Variants in DCDC2C observed in about 807,000 individuals in gnomAD.
DCDC2C encodes doublecortin domain-containing protein 2C.
A neutral mutation model predicts 45.0 loss-of-function variants in DCDC2C; 44 were observed. That is an observed-to-expected ratio of 0.98 (90% CI 0.77 to 1.26). The LOEUF (loss-of-function observed/expected upper bound fraction) is 1.26. DCDC2C is among the 50% of genes most tolerant of loss of function. The pLI is 0.00. For missense variants in DCDC2C, 447 were observed against 468.9 expected (o/e 0.95, Z 0.43); for synonymous variants, 187 against 178.8 (o/e 1.05, Z -0.37).
At chr2:3,724,178 C>G (rs112939941) in intron 2 of DCDC2C, among the ~76,000 whole-genome samples, 144 of 152,286 alleles carry the variant, frequency 9.5e-4, no homozygotes, top group African/African-American at 3.3e-3. Context: ...GCTGCTTCTC[C>G]AGACCACATG....
intron 2 of DCDC2C, among the ~76,000 whole-genome samples, chr2:3,724,199 C>G (rs183459353): frequency 2.0e-5 from 3 of 152,150 alleles, no homozygotes; most frequent in Admixed American, 1.3e-4. Flanking sequence ...GACGGTAAGA[C>G]GTAGAGCTGG....
chr2:3,761,604 C>T lies in DCDC2C; in HGVS notation c.727-6150C>T, dbSNP rs554099367. ...AGCCTGAGGATGCAACAGCCAGGTTCAATGTTAGCAAATCTTCCACTTTAA... is the reference window on the plus strand; with the variant it reads ...AGCCTGAGGATGCAACAGCCAGGTTTAATGTTAGCAAATCTTCCACTTTAA... On this transcript the variant is annotated intron_variant, in intron 6 of 10. Coordinates refer to ENST00000399143, the MANE Select transcript of DCDC2C (RefSeq NM_001287444.2). The surrounding 1 kb of genome is among the most constrained non-coding windows in gnomAD (Gnocchi z 4.3). Among the ~76,000 whole-genome samples the T allele has an allele frequency of 1.3e-3, 195 of 152,348 alleles. No individual in the cohort carries two copies. Among genetic ancestry groups the T allele is most frequent in the African/African-American group, 4.5e-3 (189 of 41,580 alleles).
chr2:3,796,780 A>G (rs1191916033), intron 10 of DCDC2C, among the ~76,000 whole-genome samples: 59 of 147,438 alleles, frequency 4.0e-4, no homozygotes, highest in African/African-American at 1.1e-3. Context: ...CCAGTATTTT[A>G]TTGAGGATTT....
intron 2 of DCDC2C, among the ~76,000 whole-genome samples, chr2:3,725,116 A>C (rs1668604365): frequency 1.3e-5 from 2 of 152,112 alleles, no homozygotes; most frequent in South Asian, 4.1e-4. Context: ...GGCCCGCACC[A>C]TGGTGTCTAT....
At chr2:3,810,150 A>G (rs868020172) in intron 10 of DCDC2C, among the ~76,000 whole-genome samples, 4 of 152,182 alleles carry the variant, frequency 2.6e-5, no homozygotes, top group Non-Finnish European at 2.9e-5. Flanking sequence ...CTGGTTCTAG[A>G]TCCTTGAGGA....
At chr2:3,820,052 G>C (rs527287227) in intron 10 of DCDC2C, among the ~76,000 whole-genome samples, 2 of 152,310 alleles carry the variant, frequency 1.3e-5, no homozygotes, top group South Asian at 4.1e-4. Context: ...CGAAGGAACA[G>C]ACAGGAGAGA....
intron 6 of DCDC2C, among the ~76,000 whole-genome samples, chr2:3,757,808 C>T (rs1245580903): frequency 6.6e-6 from 1 of 152,170 alleles, no homozygotes; most frequent in Non-Finnish European, 1.5e-5. Context: ...CACCAACCTC[C>T]CCATCTCCAC....
intron 4 of DCDC2C, among the ~76,000 whole-genome samples, chr2:3,745,387 G>T (rs1056242736): frequency 3.3e-5 from 5 of 151,934 alleles, no homozygotes; most frequent in African/African-American, 1.2e-4. Flanking sequence ...ATATTTGAAG[G>T]GTAAAAAAGA....
intron 7 of DCDC2C, 112 bp from the exon 8 acceptor site, chr2:3,769,199 C>A (rs1028424531): frequency 6.1e-6 from 6 of 985,460 alleles, no homozygotes; most frequent in African/African-American, 3.2e-5. Flanking sequence ...AGGTGGCCTG[C>A]CCGAAGCTCC....
intron 10 of DCDC2C, among the ~76,000 whole-genome samples, chr2:3,806,807 A>G (rs1246153349): frequency 2.0e-5 from 3 of 152,070 alleles, no homozygotes; most frequent in African/African-American, 7.2e-5. Flanking sequence ...TTGGCCCTGC[A>G]AAGTGCTGGG....
intron 8 of DCDC2C, among the ~76,000 whole-genome samples, chr2:3,772,976 G>T (rs974784904): frequency 6.6e-6 from 1 of 152,154 alleles, no homozygotes; most frequent in Non-Finnish European, 1.5e-5. Flanking sequence ...ATCAAGATTG[G>T]GGTTCTGCAT....
At chr2:3,838,350 T>G (rs924260782) in intron 10 of DCDC2C, among the ~76,000 whole-genome samples, 3 of 151,784 alleles carry the variant, frequency 2.0e-5, no homozygotes, top group Admixed American at 1.3e-4. Context: ...GTATGGTCTG[T>G]GGTAAGGAGC....
At position 3,703,890 on chromosome 2, in the gene DCDC2C, C is replaced by G; in HGVS notation, c.139C>G (p.Leu47Val). 7.5e-7 allele frequency: 1 copy of G among 1,326,418 alleles called. No individual in the cohort carries two copies. Among genetic ancestry groups the G allele is most frequent in the Non-Finnish European group, 9.7e-7 (1 of 1,033,828 alleles). The allele number at this position is 1,326,418 out of a possible 1,614,324, so 82.2% of individuals were successfully genotyped here. A position where few individuals can be genotyped will look rare whatever the true frequency, so the allele number is the denominator to read the frequency against. Reference sequence around the variant, plus strand: ...CCGCGCGGCCACCTTCGAGGCGCTGCTGGAGCAGCTCACGGAGCAGGTGGA... The same window carrying G: ...CCGCGCGGCCACCTTCGAGGCGCTGGTGGAGCAGCTCACGGAGCAGGTGGA... ...RRRAATFEAL[L>V]EQLTEQVDVP... Residue 47 changes from leucine (L) to valine (V), a missense_variant, in exon 1 of 11, where the codon CTG (leucine) becomes GTG (valine). Physicochemically the swap from Leu to Val is conservative, Grantham distance 32. Transcript: ENST00000399143. This position sits in a 1 kb window ranked among gnomAD's most constrained non-coding sequence, Gnocchi z 4.4.
chr2:3,742,869 C>G (rs926940166), intron 4 of DCDC2C, among the ~76,000 whole-genome samples: 4 of 152,192 alleles, frequency 2.6e-5, no homozygotes, highest in African/African-American at 9.7e-5. Flanking sequence ...ACAGACCAGG[C>G]AAGGGGCTTG....
intron 3 of DCDC2C, among the ~76,000 whole-genome samples, chr2:3,735,201 G>C (rs1668990170): frequency 6.6e-6 from 1 of 152,066 alleles, no homozygotes; most frequent in Non-Finnish European, 1.5e-5. Context: ...CATTCAGCGT[G>C]CAGAAGGGAG....
At chr2:3,804,422 T>C (rs1671184934) in intron 10 of DCDC2C, among the ~76,000 whole-genome samples, 1 of 152,230 alleles carries the variant, frequency 6.6e-6, no homozygotes, top group African/African-American at 2.4e-5. Context: ...TAGTTTCTGA[T>C]TCTGAAGAGC....
intron 4 of DCDC2C, among the ~76,000 whole-genome samples, chr2:3,746,671 G>A (rs1311292109): frequency 6.6e-6 from 1 of 152,168 alleles, no homozygotes; most frequent in African/African-American, 2.4e-5. Flanking sequence ...CAAAACATCT[G>A]GAAGAACATG....
intron 9 of DCDC2C, among the ~76,000 whole-genome samples, chr2:3,782,348 C>T (rs748641615): frequency 6.6e-6 from 1 of 152,210 alleles, no homozygotes; most frequent in Non-Finnish European, 1.5e-5. Context: ...GACACTTCCT[C>T]ATCCTCAGAA....
chr2:3,741,205 G>GA (rs148061768), intron 3 of DCDC2C, among the ~76,000 whole-genome samples: 2,698 of 152,244 alleles, frequency 0.018, 76 homozygotes, highest in African/African-American at 0.062. Context: ...ACTCAGGAGT[G>GA]AATAAGTGGT....
Sources: gnomAD v4.1 joint callset for allele counts (sites outside exome capture counted in the v4.1 genomes callset) on GRCh38, gnomAD v4.1.1 for gene constraint, Gnocchi (gnomAD v3.1) non-coding constraint, MANE v1.5 for transcripts, NCBI Gene and HGNC (gene_info 2026-07-23, HGNC 2026-07-21) for gene names.